LMCD1: variants seen among roughly 807,000 people sequenced by gnomAD.
The protein encoded by LMCD1 is LIM and cysteine rich domains 1, also known as LIM and cysteine-rich domains protein 1.
LMCD1 carries 32 observed loss-of-function variants against 42.7 expected under a neutral mutation model. The observed-to-expected ratio is 0.75, with a 90% CI of 0.57 to 1.01. LMCD1 has a LOEUF of 1.01. LMCD1 is among the 50% of genes least tolerant of loss of function. The pLI is 0.00. For synonymous variants in LMCD1, 178 were observed against 184.9 expected (o/e 0.96, Z 0.30); for missense variants, 458 against 483.1 (o/e 0.95, Z 0.49).
chr3:8,518,574 A>G (rs560429462), intron 1 of LMCD1, among the ~76,000 whole-genome samples: 1 of 152,164 alleles, frequency 6.6e-6, no homozygotes, highest in Non-Finnish European at 1.5e-5. Context: ...TGGGATTCAG[A>G]TGTCAGGTCT....
chr3:8,536,163 C>A (rs976191725), intron 2 of LMCD1, among the ~76,000 whole-genome samples: 1 of 152,172 alleles, frequency 6.6e-6, no homozygotes, highest in Non-Finnish European at 1.5e-5. Flanking sequence ...CAGTGACCTC[C>A]CTTGCTGGGC....
Position 8,555,941 on chromosome 3 carries a change from C to A in LMCD1, c.723+7038C>A, listed in dbSNP as rs986950134. 2.6e-5 allele frequency among the ~76,000 whole-genome samples: 4 copies of A among 152,126 alleles called. No homozygotes were observed. The East Asian group carries it at 5.8e-4, about 22-fold the overall frequency. The stretch of plus-strand genomic sequence containing the variant: ...CTGTGTTCCAATCAAACTGTATTTA[C>A]ATAAACAGGCGGTGGGCTAGATTTG... On this transcript the variant is annotated intron_variant, in intron 4 of 5. Coordinates refer to ENST00000157600, the MANE Select transcript of LMCD1 (RefSeq NM_014583.4).
At chr3:8,549,623 A>G (rs766958861) in intron 4 of LMCD1, among the ~76,000 whole-genome samples, 2 of 152,222 alleles carry the variant, frequency 1.3e-5, no homozygotes, top group Non-Finnish European at 2.9e-5. Context: ...TGTGCTTACA[A>G]AAGTTTCCTC....
intron 3 of LMCD1, among the ~76,000 whole-genome samples, chr3:8,546,949 T>A (rs1040773307): frequency 3.9e-5 from 6 of 152,210 alleles, no homozygotes; most frequent in Non-Finnish European, 7.4e-5. Flanking sequence ...CAGCAACTTT[T>A]CTTTGGTGAT....
At chr3:8,514,056 G>GTGTGTGTGTATATATA (rs1694051862) in intron 1 of LMCD1, among the ~76,000 whole-genome samples, 1 of 152,104 alleles carries the variant, frequency 6.6e-6, no homozygotes, top group African/African-American at 2.4e-5. Flanking sequence ...TTATGTGTGT[G>GTGTGTGTGTATATATA]TGTGTGTGTA....
intron 1 of LMCD1, among the ~76,000 whole-genome samples, chr3:8,524,687 C>CTGTTGT (rs113066862): frequency 0.43 from 64,819 of 151,570 alleles, 14,633 homozygotes; most frequent in Non-Finnish European, 0.51. Context: ...TGTGATGTTG[C>CTGTTGT]TGTTGTTGTT....
intron 3 of LMCD1, among the ~76,000 whole-genome samples, chr3:8,542,441 C>T (rs979329026): frequency 2.0e-5 from 3 of 152,120 alleles, no homozygotes; most frequent in Non-Finnish European, 2.9e-5. Context: ...GAAAGGACAC[C>T]GTGAACGCAG....
At chr3:8,502,357 ATATAT>A (rs1559342218) in intron 1 of LMCD1, among the ~76,000 whole-genome samples, 14 of 86,268 alleles carry the variant, frequency 1.6e-4, no homozygotes, top group African/African-American at 5.5e-4. Context: ...AATATATAAT[ATATAT>A]TATATAAAAT....
chr3:8,567,824 A>G lies in LMCD1; in HGVS notation c.*226A>G, dbSNP rs2125042298. 2.8e-6 allele frequency: 1 copy of G among 351,028 alleles called. No homozygotes were observed. Among genetic ancestry groups the G allele is most frequent in the East Asian group, 4.6e-5 (1 of 21,742 alleles). 21.7% of individuals were successfully genotyped at this position (351,028 alleles called of 1,614,324 possible). A position where few individuals can be genotyped will look rare whatever the true frequency, so the allele number is the denominator to read the frequency against. On this transcript the variant is annotated 3_prime_UTR_variant, in exon 6 of 6. Transcript: ENST00000157600. ...TTTCAAAACCAAAAATATTCTAAGA[A>G]GTCTTAGGATGGAGTTCCTTTTCTT...
intron 1 of LMCD1, among the ~76,000 whole-genome samples, chr3:8,520,929 G>C (rs1694193307): frequency 6.6e-6 from 1 of 152,194 alleles, no homozygotes; most frequent in African/African-American, 2.4e-5. Flanking sequence ...GACTTTTCTA[G>C]AAACGTGGAC....
At chr3:8,558,505 T>G (rs1473834727) in intron 4 of LMCD1, among the ~76,000 whole-genome samples, 3 of 152,232 alleles carry the variant, frequency 2.0e-5, no homozygotes, top group Admixed American at 1.3e-4. Context: ...TGGGAAATAG[T>G]CTGCAAACAA....
At chr3:8,551,245 C>T in intron 4 of LMCD1, 1 of 983,504 alleles carries the variant, frequency 1.0e-6, no homozygotes, top group East Asian at 1.1e-4. Flanking sequence ...ATATACATAG[C>T]CATTGCTCAA....
chr3:8,512,670 C>T (rs1694024367), intron 1 of LMCD1, among the ~76,000 whole-genome samples: 1 of 152,228 alleles, frequency 6.6e-6, no homozygotes, highest in Non-Finnish European at 1.5e-5. Context: ...CACCCACCTT[C>T]CACATTTCCA....
At chr3:8,551,025 A>G in intron 4 of LMCD1, 1 of 985,438 alleles carries the variant, frequency 1.0e-6, no homozygotes, top group Non-Finnish European at 1.2e-6. Context: ...GCAATACTAG[A>G]CAGTAAATGG....
At chr3:8,509,079 T>C (rs1368407007) in intron 1 of LMCD1, among the ~76,000 whole-genome samples, 2 of 152,224 alleles carry the variant, frequency 1.3e-5, no homozygotes, top group African/African-American at 4.8e-5. Context: ...TAGTTCTACA[T>C]TTAAACGATA....
Position 8,548,548 on chromosome 3 carries a change from T to G in LMCD1, c.388-20T>G, listed in dbSNP as rs760598904. 6.4e-7 allele frequency: 1 copy of G among 1,553,056 alleles called. No homozygotes were observed. On this transcript the variant is annotated intron_variant, in intron 3 of 5. Coordinates refer to ENST00000157600, the MANE Select transcript of LMCD1 (RefSeq NM_014583.4). ...AGCCCCATCCACATCATGTTGTCTC[T>G]TCCTCCTCCTCCTCCCTAGGGACTG...
chr3:8,547,877 C>T (rs1031999023), intron 3 of LMCD1, among the ~76,000 whole-genome samples: 1 of 150,144 alleles, frequency 6.7e-6, no homozygotes, highest in African/African-American at 2.5e-5. Flanking sequence ...CAGAGCGAGA[C>T]TCCATCTCAA....
intron 3 of LMCD1, among the ~76,000 whole-genome samples, chr3:8,545,943 A>C (rs183126164): frequency 1.0e-3 from 153 of 152,332 alleles, no homozygotes; most frequent in African/African-American, 3.6e-3. Flanking sequence ...ACCTGCCAAC[A>C]TGGCGAAACC....
intron 4 of LMCD1, among the ~76,000 whole-genome samples, chr3:8,564,426 AC>A (rs1489218497): frequency 6.6e-6 from 1 of 152,066 alleles, no homozygotes; most frequent in African/African-American, 2.4e-5. Flanking sequence ...GAGCACCATC[AC>A]AACTGGCTAA....
Sources: gnomAD v4.1 joint callset for allele counts (sites outside exome capture counted in the v4.1 genomes callset) on GRCh38, gnomAD v4.1.1 for gene constraint, MANE v1.5 for transcripts, NCBI Gene and HGNC (gene_info 2026-07-23, HGNC 2026-07-21) for gene names.